ITGB5: variants seen among roughly 807,000 people sequenced by gnomAD.
ITGB5 encodes the protein integrin subunit beta 5.
Under a neutral mutation model 84.8 loss-of-function variants are expected in ITGB5, and 38 were observed. The observed-to-expected ratio is 0.45, with a 90% CI of 0.35 to 0.59. The LOEUF is 0.59. Among genes scored for constraint, ITGB5 ranks in the 20% least tolerant of loss-of-function variants. The pLI is 0.01. For synonymous variants in ITGB5, 393 were observed against 414.4 expected, an observed-to-expected ratio of 0.95 and a Z score of 0.63; for missense variants, 905 against 1,034.5, an observed-to-expected ratio of 0.87 and a Z score of 1.72.
chr3:124,775,317 TGA>T (rs2063909820), intron 10 of ITGB5, among the ~76,000 whole-genome samples: 1 of 151,940 alleles, frequency 6.6e-6, no homozygotes, highest in Non-Finnish European at 1.5e-5. Context: ...TGTACAAGTG[TGA>T]GTGTATGTGT....
chr3:124,767,311 A>G (rs2063781068), intron 12 of ITGB5, among the ~76,000 whole-genome samples: 1 of 152,230 alleles, frequency 6.6e-6, no homozygotes, highest in African/African-American at 2.4e-5. Context: ...TGTGGTTATC[A>G]GACACGAAAG....
chr3:124,868,274 G>A (rs961127936), intron 2 of ITGB5, among the ~76,000 whole-genome samples: 11 of 148,200 alleles, frequency 7.4e-5, no homozygotes, highest in African/African-American at 2.7e-4. Context: ...AAGCTGTGCT[G>A]TACAAACAGC....
chr3:124,892,173 T>C (rs890596119), upstream of ITGB5, among the ~76,000 whole-genome samples: 4 of 151,832 alleles, frequency 2.6e-5, no homozygotes, highest in African/African-American at 9.7e-5. Flanking sequence ...GAATTTAGAG[T>C]ATTAATTAAA....
At chr3:124,881,362 T>C (rs1934563597) in intron 1 of ITGB5, among the ~76,000 whole-genome samples, 1 of 152,070 alleles carries the variant, frequency 6.6e-6, no homozygotes, top group Non-Finnish European at 1.5e-5. Context: ...CCAAGCATTG[T>C]GGCTGTGTCA....
intron 10 of ITGB5, among the ~76,000 whole-genome samples, chr3:124,790,765 C>G (rs1420486139): frequency 6.6e-6 from 1 of 151,860 alleles, no homozygotes; most frequent in Non-Finnish European, 1.5e-5. Flanking sequence ...TTCTAATTGC[C>G]TGCCACATAG....
chr3:124,864,021 G>GAAGA (rs140956267), intron 2 of ITGB5, among the ~76,000 whole-genome samples: 6 of 106,116 alleles, frequency 5.7e-5, no homozygotes, highest in Middle Eastern at 5.1e-3. Context: ...GAGAAAGAAA[G>GAAGA]AAGAAAGAAA....
chr3:124,880,933 TA>T (rs1934536155), intron 1 of ITGB5, among the ~76,000 whole-genome samples: 1 of 150,746 alleles, frequency 6.6e-6, no homozygotes, highest in South Asian at 2.1e-4. Flanking sequence ...CATCTCAAAA[TA>T]AAATAAAAAA....
intron 9 of ITGB5, among the ~76,000 whole-genome samples, chr3:124,799,928 G>A (rs530608679): frequency 4.6e-5 from 7 of 152,302 alleles, no homozygotes; most frequent in South Asian, 2.1e-4. Flanking sequence ...TCTTTCTGCC[G>A]TGGGCTGGGA....
intron 12 of ITGB5, among the ~76,000 whole-genome samples, chr3:124,768,579 T>C (rs1311859247): frequency 2.0e-5 from 3 of 152,240 alleles, no homozygotes; most frequent in Non-Finnish European, 2.9e-5. Flanking sequence ...GCTTCACACC[T>C]CTTAGTGGCT....
At position 124,884,695 on chromosome 3, in the gene ITGB5, AAAAAG is replaced by A. The variant is rs369407028; in HGVS notation, c.70+2231_70+2235del. The stretch of plus-strand genomic sequence containing the variant: ...ACAAGAGTGAGACTCTGTCTCAAAA[AAAAAG>A]AAAAGAAAAGATAGGCAATGGGAAA... On this transcript the variant is annotated intron_variant, in intron 1 of 14. Transcript: ENST00000296181. 4.6e-3 allele frequency among the ~76,000 whole-genome samples: 699 copies of A among 152,302 alleles called. 1 individual carries two copies. The highest frequency in any genetic ancestry group is 0.015 in the African/African-American group (642 of 41,546).
At chr3:124,792,080 C>T (rs938623474) in intron 10 of ITGB5, 4 of 152,138 alleles carry the variant, frequency 2.6e-5, no homozygotes, top group Admixed American at 6.6e-5. Context: ...CTATTTTCTC[C>T]GGAAAGACTT....
intron 2 of ITGB5, among the ~76,000 whole-genome samples, chr3:124,866,261 G>C (rs1370612609): frequency 6.6e-6 from 1 of 152,008 alleles, no homozygotes; most frequent in African/African-American, 2.4e-5. Flanking sequence ...GGGATTACAG[G>C]CATGAGCCAC....
chr3:124,819,934 A>G (rs935504573), intron 6 of ITGB5, 100 bp from the exon 7 acceptor site: 4 of 892,808 alleles, frequency 4.5e-6, no homozygotes, highest in Middle Eastern at 2.1e-4. Context: ...TTGCCAGGGA[A>G]GCACCTTTTC....
chr3:124,809,821 A>G (rs2064469710), intron 8 of ITGB5, among the ~76,000 whole-genome samples: 1 of 152,224 alleles, frequency 6.6e-6, no homozygotes, highest in Non-Finnish European at 1.5e-5. Flanking sequence ...GAAAAAAAGT[A>G]AAGTTTTTTT....
chr3:124,773,701 G>A lies in ITGB5; in HGVS notation c.1905C>T (p.Cys635=), dbSNP rs767344661. 4.0e-5 allele frequency: 65 copies of A among 1,612,060 alleles called. No homozygotes were observed. The highest frequency in any genetic ancestry group is 2.7e-5 in the Non-Finnish European group (32 of 1,179,948). The change falls in exon 11 of 15, where the codon TGC becomes TGT. Residue 635 remains cysteine (C), a synonymous_variant. Coordinates refer to ENST00000296181, the MANE Select transcript of ITGB5 (RefSeq NM_002213.5). Reference sequence around the variant, plus strand: ...AGTGGAACCAGTACCTCTTGGTGCTGCATGCATCCGGGCAGGTGGGGCACT... The same window carrying A: ...AGTGGAACCAGTACCTCTTGGTGCTACATGCATCCGGGCAGGTGGGGCACT... ...CEKCPTCPDA[C]STKRDCVECL...
intron 4 of ITGB5, among the ~76,000 whole-genome samples, chr3:124,844,463 G>A (rs1210207718): frequency 1.3e-5 from 2 of 152,150 alleles, no homozygotes; most frequent in Non-Finnish European, 2.9e-5. Flanking sequence ...AGGAGGCTGA[G>A]TCAGGATAAT....
chr3:124,826,388 C>G (rs906946317), intron 5 of ITGB5, among the ~76,000 whole-genome samples: 1 of 152,030 alleles, frequency 6.6e-6, no homozygotes, highest in Non-Finnish European at 1.5e-5. Context: ...TTCTTGCTGC[C>G]CCTACTTACC....
At chr3:124,779,488 T>G (rs575532123) in intron 10 of ITGB5, among the ~76,000 whole-genome samples, 1 of 152,026 alleles carries the variant, frequency 6.6e-6, no homozygotes, top group East Asian at 1.9e-4. Flanking sequence ...TGGGAAGTTG[T>G]GCATAAGGCT....
chr3:124,838,847 C>T (rs571832868), intron 5 of ITGB5, among the ~76,000 whole-genome samples: 29 of 152,164 alleles, frequency 1.9e-4, no homozygotes, highest in Non-Finnish European at 2.8e-4. Flanking sequence ...ATGATCTGCC[C>T]GCCTCAGCCT....
Sources: gnomAD v4.1 joint callset for allele counts (sites outside exome capture counted in the v4.1 genomes callset) on GRCh38, gnomAD v4.1.1 for gene constraint, MANE v1.5 for transcripts, NCBI Gene and HGNC (gene_info 2026-07-23, HGNC 2026-07-21) for gene names.